PPARD: variants seen among roughly 807,000 people sequenced by gnomAD.
The protein encoded by PPARD is peroxisome proliferator-activated receptor delta.
Under a neutral mutation model 39.5 loss-of-function variants are expected in PPARD, and 6 were observed. The observed-to-expected ratio is 0.15, with a 90% CI of 0.08 to 0.30. The LOEUF is 0.30. Ranked by LOEUF, PPARD falls within the 10% of genes least tolerant of loss-of-function variation. The pLI, the probability that PPARD is intolerant of heterozygous loss-of-function variation, is 1.00. For synonymous variants in PPARD, 210 were observed against 231.3 expected (o/e 0.91, Z 0.83); for missense variants, 397 against 596.8 (o/e 0.67, Z 3.49).
At position 35,355,416 on chromosome 6, in the gene PPARD, G is replaced by A. The variant is rs563645133; in HGVS notation, c.-102+8266G>A. On this transcript the variant is annotated intron_variant, in intron 2 of 7. Coordinates refer to ENST00000360694, the MANE Select transcript of PPARD (RefSeq NM_006238.5). ...AAAATACAAAAATTATCCAGGCGTGGTGGTACATGCCTGTAGTTCCTACTC... is the reference window on the plus strand; with the variant it reads ...AAAATACAAAAATTATCCAGGCGTGATGGTACATGCCTGTAGTTCCTACTC... Among the ~76,000 whole-genome samples, 228 of 151,776 alleles carry A rather than the reference G, an allele frequency of 1.5e-3. 1 individual carries two copies. Among genetic ancestry groups the A allele is most frequent in the African/African-American group, 5.2e-3 (216 of 41,438 alleles).
chr6:35,405,622 C>A (rs746122684), intron 2 of PPARD, among the ~76,000 whole-genome samples: 2 of 151,410 alleles, frequency 1.3e-5, no homozygotes, highest in Non-Finnish European at 2.9e-5. Flanking sequence ...TAGTGCCTGG[C>A]TGTATTGTGG....
At chr6:35,362,434 C>T (rs1200946228) in intron 2 of PPARD, among the ~76,000 whole-genome samples, 1 of 147,232 alleles carries the variant, frequency 6.8e-6, no homozygotes, top group Non-Finnish European at 1.5e-5. Context: ...TCTGCCTACT[C>T]ACCACTCCTG....
chr6:35,404,748 G>A (rs539256460), intron 2 of PPARD, among the ~76,000 whole-genome samples: 1 of 152,190 alleles, frequency 6.6e-6, no homozygotes, highest in Non-Finnish European at 1.5e-5. Context: ...AGTTGCTCTG[G>A]CCCCAGACCA....
chr6:35,423,990 G>A lies in PPARD; in HGVS notation c.469G>A (p.Val157Met). Residue 157 changes from valine (V) to methionine (M), a missense_variant, in exon 6 of 8, where the codon GTG (valine) becomes ATG (methionine). Physicochemically the swap from Val to Met is conservative, Grantham distance 21. Coordinates refer to ENST00000360694, the MANE Select transcript of PPARD (RefSeq NM_006238.5). ...GCCGGAGGCTGAGAAGAGGAAGCTG[G>A]TGGCAGGGCTGACTGCAAACGAGGG... Reference protein sequence around the residue: ...RMPEAEKRKLVAGLTANEGSQ... With the variant: ...RMPEAEKRKLMAGLTANEGSQ... 6.2e-7 allele frequency: 1 copy of A among 1,614,226 alleles called. No individual in the cohort carries two copies. The highest frequency in any genetic ancestry group is 8.5e-7 in the Non-Finnish European group (1 of 1,180,042).
At chr6:35,381,745 A>G (rs1213842965) in intron 2 of PPARD, among the ~76,000 whole-genome samples, 1 of 152,262 alleles carries the variant, frequency 6.6e-6, no homozygotes, top group Non-Finnish European at 1.5e-5. Context: ...TACCTGAGGT[A>G]GAATTGGGAT....
Position 35,400,977 on chromosome 6 carries a change from G to A in PPARD, c.-101-10010G>A, listed in dbSNP as rs140590521. Among the ~76,000 whole-genome samples the A allele has an allele frequency of 6.2e-3, 936 of 152,186 alleles. 3 individuals are homozygous for A. Among genetic ancestry groups the A allele is most frequent in the Middle Eastern group, 0.017 (5 of 294 alleles). On this transcript the variant is annotated intron_variant, in intron 2 of 7. Transcript: ENST00000360694. ...GGGAATGTGGCTGTTAGTATCGATT[G>A]GCCTCATGCCAAGCAGTGCCAAGCG... is the stretch of plus-strand genomic sequence containing the variant.
At chr6:35,349,953 G>C (rs1383482657) in intron 2 of PPARD, among the ~76,000 whole-genome samples, 1 of 151,968 alleles carries the variant, frequency 6.6e-6, no homozygotes, top group Non-Finnish European at 1.5e-5. Context: ...TGTTGGCCAG[G>C]CTGGTCTCGA....
chr6:35,408,768 T>C (rs1169434537), intron 2 of PPARD, among the ~76,000 whole-genome samples: 2 of 152,360 alleles, frequency 1.3e-5, no homozygotes, highest in East Asian at 3.9e-4. Context: ...TTTTTCGTTC[T>C]AACTCTATTT....
At chr6:35,354,843 T>C (rs768778378) in intron 2 of PPARD, among the ~76,000 whole-genome samples, 22 of 152,172 alleles carry the variant, frequency 1.4e-4, no homozygotes, top group Admixed American at 5.2e-4. Flanking sequence ...TTGAGGAACA[T>C]TTGTAGCCAT....
At chr6:35,369,206 A>G (rs1353032785) in intron 2 of PPARD, among the ~76,000 whole-genome samples, 1 of 152,220 alleles carries the variant, frequency 6.6e-6, no homozygotes, top group Admixed American at 6.5e-5. Flanking sequence ...AATGTTTTGA[A>G]TGGCTATTCA....
At position 35,401,982 on chromosome 6, in the gene PPARD, G is replaced by A. The variant is rs950662703; in HGVS notation, c.-101-9005G>A. Among the ~76,000 whole-genome samples, 1 of 152,058 alleles carries A rather than the reference G, an allele frequency of 6.6e-6. No individual in the cohort carries two copies. Among genetic ancestry groups the A allele is most frequent in the African/African-American group, 2.4e-5 (1 of 41,402 alleles). On this transcript the variant is annotated intron_variant, in intron 2 of 7. Coordinates refer to ENST00000360694, the MANE Select transcript of PPARD (RefSeq NM_006238.5). The surrounding 1 kb of genome is among the most constrained non-coding windows in gnomAD (Gnocchi z 4.1). ...GGAAGCCCTCTCCATGTAGTGTGAG[G>A]GGTCTCAGGCCCATTCAGGCTTCAG...
At chr6:35,370,564 G>A (rs1321674577) in intron 2 of PPARD, among the ~76,000 whole-genome samples, 2 of 152,134 alleles carry the variant, frequency 1.3e-5, no homozygotes, top group Non-Finnish European at 2.9e-5. Flanking sequence ...CACATGGCTG[G>A]TAAACGCTTC....
At chr6:35,422,365 A>G (rs2150846332) in intron 5 of PPARD, among the ~76,000 whole-genome samples, 1 of 152,312 alleles carries the variant, frequency 6.6e-6, no homozygotes, top group South Asian at 2.1e-4. Flanking sequence ...TCTTGGTTAT[A>G]GAAGGCAGGC....
intron 2 of PPARD, among the ~76,000 whole-genome samples, chr6:35,400,975 T>C (rs377222128): frequency 1.3e-5 from 2 of 152,108 alleles, no homozygotes; most frequent in East Asian, 1.9e-4. Context: ...TTAGTATCGA[T>C]TGGCCTCATG....
At chr6:35,396,398 G>A (rs1219060093) in intron 2 of PPARD, among the ~76,000 whole-genome samples, 4 of 150,988 alleles carry the variant, frequency 2.6e-5, no homozygotes, top group Admixed American at 2.6e-4. Flanking sequence ...TAGAGACAGG[G>A]TGTCACCGTG....
chr6:35,381,526 G>A (rs1211751324), intron 2 of PPARD, among the ~76,000 whole-genome samples: 1 of 152,164 alleles, frequency 6.6e-6, no homozygotes, highest in East Asian at 1.9e-4. Context: ...CAACCCCAAG[G>A]TTGTATCATG....
rs189888319 is a variant in PPARD at position 35,366,471 on chromosome 6, G to C, written c.-102+19321G>C. Among the ~76,000 whole-genome samples the C allele has an allele frequency of 2.0e-5, 3 of 151,806 alleles. No individual in the cohort carries two copies. Among genetic ancestry groups the C allele is most frequent in the African/African-American group, 7.3e-5 (3 of 41,078 alleles). On this transcript the variant is annotated intron_variant, in intron 2 of 7. Transcript: ENST00000360694. The surrounding 1 kb of genome is among the most constrained non-coding windows in gnomAD (Gnocchi z 4.6). ...CATTTATGCTAGAGGGGTCAAAATG[G>C]AGAGAGATACACAGGCAGAGGCCTA...
chr6:35,416,180 A>G (rs9470020), intron 3 of PPARD, among the ~76,000 whole-genome samples: 132,298 of 151,760 alleles, frequency 0.87, 57,878 homozygotes, highest in African/African-American at 0.93. Context: ...TCAGGAATTC[A>G]AGACCAGCCC....
At position 35,424,487 on chromosome 6, in the gene PPARD, G is replaced by A; in HGVS notation, c.786G>A (p.Glu262=). The change falls in exon 7 of 8, where the codon GAG becomes GAA. Residue 262 remains glutamate (E), a synonymous_variant. Transcript: ENST00000360694. The surrounding 1 kb of genome is among the most constrained non-coding windows in gnomAD (Gnocchi z 7.1). ...TTVETVRELT[E]FAKSIPSFSS... ...TGGAGACCGTGCGGGAGCTCACTGA[G>A]TTCGCCAAGAGCATCCCCAGCTTCA... 6.2e-7 allele frequency: 1 copy of A among 1,614,226 alleles called. No individual in the cohort carries two copies. Among genetic ancestry groups the A allele is most frequent in the South Asian group, 1.1e-5 (1 of 91,090 alleles).
Sources: allele counts gnomAD v4.1 joint callset (sites outside exome capture counted in the v4.1 genomes callset), GRCh38; gene constraint gnomAD v4.1.1; non-coding constraint Gnocchi (gnomAD v3.1); transcripts MANE v1.5; gene names NCBI Gene and HGNC (gene_info 2026-07-23, HGNC 2026-07-21).